The following BDP1 variants were observed in gnomAD, a reference collection of about 807,000 sequenced individuals.
BDP1 encodes BDP1 general transcription factor IIIB subunit.
A neutral mutation model predicts 266.6 loss-of-function variants in BDP1; 169 were observed. The ratio of observed to expected loss-of-function variants is 0.63; its 90% CI spans 0.56 to 0.72. The LOEUF is 0.72. Ranked by LOEUF, BDP1 falls within the 30% of genes least tolerant of loss-of-function variation. The pLI is 0.00. For missense variants in BDP1, 3,015 were observed against 3,053.8 expected, an observed-to-expected ratio of 0.99 and a Z score of 0.30; for synonymous variants, 1,090 against 1,022.4, an observed-to-expected ratio of 1.07 and a Z score of -1.26.
chr5:71,541,819 G>T (rs1766987254), intron 29 of BDP1, 137 bp downstream of exon 29: 1 of 608,608 alleles, frequency 1.6e-6, no homozygotes. Context: ...TTGATTTTAG[G>T]TTAGTGGTTT....
In BDP1 at chr5:71,556,886, G is replaced by T; in HGVS notation, c.7201G>T (p.Val2401Leu). 7.2e-7 allele frequency: 1 copy of T among 1,397,232 alleles called. No individual in the cohort carries two copies. Among genetic ancestry groups the T allele is most frequent in the Non-Finnish European group, 9.6e-7 (1 of 1,040,984 alleles). The allele number at this position is 1,397,232 out of a possible 1,614,324, so 86.6% of individuals were successfully genotyped here. A position where few individuals can be genotyped will look rare whatever the true frequency, so the allele number is the denominator to read the frequency against. ...RDDCQEYTTE[V>L]HSKELTNVFE... Reference sequence around the variant, plus strand: ...TTTTTTTTAAATTTTCTTAAAATAGGTGCACTCAAAGGAATTAACAAATGT... The same window carrying T: ...TTTTTTTTAAATTTTCTTAAAATAGTTGCACTCAAAGGAATTAACAAATGT... The change falls in exon 36 of 39, where the codon GTG becomes TTG. Residue 2401 changes from valine (V) to leucine (L), a missense_variant and splice_region_variant. Val to Leu is a conservative substitution (Grantham distance 32, BLOSUM62 1). This residue lies in a region of BDP1 where 629 missense variants were observed against 632.5 expected (regional missense o/e 0.99). Transcript: ENST00000358731.
At chr5:71,548,031 C>T (rs961594794) in intron 32 of BDP1, among the ~76,000 whole-genome samples, 27 of 152,000 alleles carry the variant, frequency 1.8e-4, no homozygotes, top group Non-Finnish European at 3.8e-4. Flanking sequence ...ACCTATAATC[C>T]CAGCACTTTG....
chr5:71,508,503 A>G (rs1467566379), intron 16 of BDP1, among the ~76,000 whole-genome samples: 1 of 146,258 alleles, frequency 6.8e-6, no homozygotes, highest in East Asian at 2.0e-4. Context: ...TGGGATTTCT[A>G]CCAAAAACTC....
Position 71,475,115 on chromosome 5 carries a change from C to T in BDP1, c.1014+4626C>T, listed in dbSNP as rs757112671. Among the ~76,000 whole-genome samples the T allele has an allele frequency of 4.6e-5, 7 of 152,016 alleles. No homozygotes were observed. In the South Asian group the frequency reaches 6.2e-4, roughly 14 times the overall value. On this transcript the variant is annotated intron_variant, in intron 7 of 38. Transcript: ENST00000358731. ...TAATTTTTTTTTTGAGACAGAGCCT[C>T]GCTCTGTTACACAGTGTGGAGTACA...
intron 25 of BDP1, among the ~76,000 whole-genome samples, chr5:71,525,275 C>G (rs1252241930): frequency 7.1e-6 from 1 of 141,646 alleles, no homozygotes; most frequent in South Asian, 2.3e-4. Flanking sequence ...TGACCCCCCC[C>G]ACCTCCCTCC....
rs757934339 is a variant in BDP1, at chr5:71,458,688, A to G, written c.322A>G (p.Ser108Gly). ...AAGTACTTCTAGCCTGGTTAAGTCT[A>G]GTGTCAGTGTTCCTTCAGAATCTCA... ...ISSTSSLVKS[S>G]VSVPSESHPL... The change falls in exon 2 of 39, where the codon AGT (serine) becomes GGT (glycine). Residue 108 changes from serine (S) to glycine (G), a missense_variant. Physicochemically the swap from Ser to Gly is moderately conservative, Grantham distance 56. Coordinates refer to ENST00000358731, the MANE Select transcript of BDP1 (RefSeq NM_018429.3). 5.6e-6 allele frequency: 9 copies of G among 1,614,172 alleles called. No individual in the cohort carries two copies. The Admixed American group carries it at 1.3e-4, about 24-fold the overall frequency.
intron 7 of BDP1, among the ~76,000 whole-genome samples, chr5:71,473,295 G>A (rs1260632594): frequency 6.1e-5 from 4 of 65,050 alleles, no homozygotes; most frequent in East Asian, 4.8e-4. Flanking sequence ...TTTTTTTTGA[G>A]ATGGAGTCTT....
At position 71,486,628 on chromosome 5, in the gene BDP1, G is replaced by A; in HGVS notation, c.1213+1G>A. ...ACCAAACCACGGAAAAATGTAAAAG[G>A]TATTGATTTTAAAAGGAAGTGTGAT... On this transcript the variant is annotated splice_donor_variant, in intron 9 of 38. Coordinates refer to ENST00000358731, the MANE Select transcript of BDP1 (RefSeq NM_018429.3). LOFTEE classifies it high-confidence loss of function. 2 of 1,512,192 alleles carry A rather than the reference G, an allele frequency of 1.3e-6. No individual in the cohort carries two copies. Among genetic ancestry groups the A allele is most frequent in the Non-Finnish European group, 1.7e-6 (2 of 1,142,950 alleles). 93.7% of individuals were successfully genotyped at this position (1,512,192 alleles called of 1,614,324 possible). A position where few individuals can be genotyped will look rare whatever the true frequency, so the allele number is the denominator to read the frequency against.
intron 27 of BDP1, 124 bp downstream of exon 27, chr5:71,539,202 G>T (rs936969572): frequency 3.1e-5 from 20 of 654,150 alleles, no homozygotes; most frequent in Non-Finnish European, 5.2e-5. Context: ...GCTATTGAAT[G>T]TGTTGTCTCT....
At position 71,469,842 on chromosome 5, in the gene BDP1, C is replaced by CTT. The variant is rs35377501; in HGVS notation, c.920-538_920-537dup. Among the ~76,000 whole-genome samples, 364 of 123,748 alleles carry CTT rather than the reference C, an allele frequency of 2.9e-3. 5 individuals are homozygous for CTT. Among genetic ancestry groups the CTT allele is most frequent in the South Asian group, 4.3e-3 (16 of 3,724 alleles). The allele number at this position is 123,748 out of a possible 152,430, so 81.2% of individuals were successfully genotyped here. ...ATGTTGGCCCGGCTGGTCTCAAACT[C>CTT]TTTTTTTTTTTTTTTTGAGATGGAA... On this transcript the variant is annotated intron_variant, in intron 6 of 38. Coordinates refer to ENST00000358731, the MANE Select transcript of BDP1 (RefSeq NM_018429.3).
chr5:71,539,216 A>G, intron 27 of BDP1, 138 bp downstream of exon 27: 1 of 614,514 alleles, frequency 1.6e-6, no homozygotes, highest in Non-Finnish European at 2.8e-6. Context: ...TGTCTCTGTG[A>G]GAAATGTGGA....
At position 71,495,355 on chromosome 5, in the gene BDP1, T is replaced by C. The variant is rs201955867; in HGVS notation, c.1746T>C (p.Asn582=). 6.6e-4 allele frequency: 1,062 copies of C among 1,602,384 alleles called. 1 individual carries two copies. Among genetic ancestry groups the C allele is most frequent in the Non-Finnish European group, 8.4e-4 (980 of 1,173,326 alleles). The change falls in exon 12 of 39, where the codon AAT becomes AAC. Residue 582 remains asparagine, a synonymous_variant. Coordinates refer to ENST00000358731, the MANE Select transcript of BDP1 (RefSeq NM_018429.3). ...TTAGAGCATTGTGTGAGGTGAATAATGCTGAGGGTAGTTGTATAGAAGAAA... is the reference window on the plus strand; with the variant it reads ...TTAGAGCATTGTGTGAGGTGAATAACGCTGAGGGTAGTTGTATAGAAGAAA... ...VGIRALCEVN[N]AEGSCIEERN...
intron 15 of BDP1, 37 bp downstream of exon 15, chr5:71,502,828 C>T (rs758364928): frequency 1.3e-6 from 2 of 1,533,922 alleles, no homozygotes; most frequent in Non-Finnish European, 1.8e-6. Flanking sequence ...TTTTGGTAAG[C>T]AAGTACATGA....
intron 8 of BDP1, among the ~76,000 whole-genome samples, chr5:71,485,059 C>A (rs1416946326): frequency 6.6e-6 from 1 of 152,178 alleles, no homozygotes; most frequent in Non-Finnish European, 1.5e-5. Flanking sequence ...AAGTGTAACA[C>A]ATTATAGTCA....
intron 28 of BDP1, among the ~76,000 whole-genome samples, chr5:71,540,364 G>A (rs1444440970): frequency 6.6e-6 from 1 of 152,088 alleles, no homozygotes; most frequent in African/African-American, 2.4e-5. Context: ...TTTCGCTCTT[G>A]TCACCCAGGC....
intron 38 of BDP1, among the ~76,000 whole-genome samples, chr5:71,563,665 C>A (rs1251538813): frequency 6.6e-6 from 1 of 152,198 alleles, no homozygotes; most frequent in Non-Finnish European, 1.5e-5. Context: ...GTAATCCCAG[C>A]ACTTTGGGAG....
chr5:71,461,407 G>A (rs1173351968), intron 2 of BDP1, among the ~76,000 whole-genome samples: 1 of 151,362 alleles, frequency 6.6e-6, no homozygotes, highest in Admixed American at 6.6e-5. Context: ...GAATTTGAGA[G>A]CAGCCTTGGC....
Position 71,525,814 on chromosome 5 carries a change from C to T in BDP1, c.5772+1491C>T, listed in dbSNP as rs370075293. 8.6e-5 allele frequency among the ~76,000 whole-genome samples: 13 copies of T among 151,974 alleles called. No individual in the cohort carries two copies. The East Asian group carries it at 1.2e-3, about 14-fold the overall frequency. ...CTTCCCAGACGGGGTGGCTGCTGGGCGGAGGGGCTCCTCACTTCTCAGACG... is the reference window on the plus strand; with the variant it reads ...CTTCCCAGACGGGGTGGCTGCTGGGTGGAGGGGCTCCTCACTTCTCAGACG... On this transcript the variant is annotated intron_variant, in intron 25 of 38. Coordinates refer to ENST00000358731, the MANE Select transcript of BDP1 (RefSeq NM_018429.3).
chr5:71,562,365 C>A lies in BDP1; in HGVS notation c.7588C>A (p.Arg2530Ser). Residue 2530 changes from arginine (R) to serine (S), a missense_variant, in exon 38 of 39, where the codon CGC (arginine) becomes AGC (serine). Transcript: ENST00000358731. ...DEPMQVHSKK[R>S]LKPLIPGLRK... ...ACCTATGCAAGTCCATAGTAAGAAA[C>A]GCCTAAAACCTCTTATACCTGGATT... 6.2e-7 allele frequency: 1 copy of A among 1,613,570 alleles called. No homozygotes were observed. The highest frequency in any genetic ancestry group is 8.5e-7 in the Non-Finnish European group (1 of 1,179,682).
Sources: allele counts gnomAD v4.1 joint callset (sites outside exome capture counted in the v4.1 genomes callset), GRCh38; gene constraint gnomAD v4.1.1; regional missense constraint gnomAD v4.1.1; transcripts MANE v1.5; gene names NCBI Gene and HGNC (gene_info 2026-07-23, HGNC 2026-07-21).